Variants in PDE4D observed in about 807,000 individuals in gnomAD.
PDE4D encodes the protein 3',5'-cyclic-AMP phosphodiesterase 4D.
In PDE4D, 24 loss-of-function variants were observed where a neutral mutation model predicts 87.4. The ratio of observed to expected loss-of-function variants is 0.27; its 90% CI spans 0.20 to 0.39. The LOEUF (loss-of-function observed/expected upper bound fraction) is 0.39. PDE4D is among the 10% of genes least tolerant of loss of function. The pLI, the probability that PDE4D is intolerant of heterozygous loss-of-function variation, is 1.00. For synonymous variants in PDE4D, 384 were observed against 383.2 expected (o/e 1.00, Z -0.02); for missense variants, 714 against 1,041.0 (o/e 0.69, Z 4.32).
intron 1 of PDE4D, among the ~76,000 whole-genome samples, chr5:59,584,828 T>C (rs1824823546): frequency 6.6e-6 from 1 of 152,098 alleles, no homozygotes; most frequent in African/African-American, 2.4e-5. Flanking sequence ...TTAAGAGGTA[T>C]AAAATGAACT....
At chr5:60,019,957 A>G (rs1765881337) in intron 2 of PDE4D, among the ~76,000 whole-genome samples, 2 of 152,028 alleles carry the variant, frequency 1.3e-5, no homozygotes, top group South Asian at 4.1e-4. Flanking sequence ...CTTCCAGCCT[A>G]TTTCAGCTTT....
chr5:59,151,535 T>C (rs1477457985), intron 5 of PDE4D, among the ~76,000 whole-genome samples: 2 of 152,146 alleles, frequency 1.3e-5, no homozygotes, highest in Non-Finnish European at 2.9e-5. Context: ...AAAAACTATA[T>C]GAACATCAAC....
rs144243670 is a variant in PDE4D at position 59,350,080 on chromosome 5, C to G, written c.456-134112G>C. Among the ~76,000 whole-genome samples the G allele has an allele frequency of 4.6e-3, 702 of 152,218 alleles. 5 individuals are homozygous for G. Among genetic ancestry groups the G allele is most frequent in the African/African-American group, 0.016 (682 of 41,546 alleles). On this transcript the variant is annotated intron_variant, in intron 1 of 14. Transcript: ENST00000340635. Reference sequence around the variant, plus strand: ...TTGTTTACAAAGTGGTACTTCCTTACAAAAACCCTATTGTAGCTGTTGTAG... The same window carrying G: ...TTGTTTACAAAGTGGTACTTCCTTAGAAAAACCCTATTGTAGCTGTTGTAG...
At chr5:59,357,823 G>A (rs575320401) in intron 1 of PDE4D, among the ~76,000 whole-genome samples, 1 of 152,164 alleles carries the variant, frequency 6.6e-6, no homozygotes, top group Non-Finnish European at 1.5e-5. Context: ...CCACTGAGTG[G>A]TATTCAATGT....
intron 1 of PDE4D, among the ~76,000 whole-genome samples, chr5:59,541,010 G>A (rs1334988087): frequency 6.6e-6 from 1 of 152,064 alleles, no homozygotes; most frequent in Non-Finnish European, 1.5e-5. Flanking sequence ...CATCAGTTCT[G>A]GCATAAGCTG....
At chr5:60,446,830 A>C (rs949826911) in intron 1 of PDE4D, among the ~76,000 whole-genome samples, 18 of 152,068 alleles carry the variant, frequency 1.2e-4, no homozygotes, top group Admixed American at 3.9e-4. Context: ...CTTCAACCTA[A>C]TTCTGCGCCT....
intron 1 of PDE4D, among the ~76,000 whole-genome samples, chr5:59,320,382 A>G (rs1774500221): frequency 6.6e-6 from 1 of 152,134 alleles, no homozygotes; most frequent in Non-Finnish European, 1.5e-5. Context: ...GTTAAGATAT[A>G]TAATAACTAT....
intron 1 of PDE4D, among the ~76,000 whole-genome samples, chr5:60,355,170 A>G (rs1164403475): frequency 2.0e-5 from 3 of 152,094 alleles, no homozygotes. Flanking sequence ...AAAATCCTGT[A>G]AAAAGTAAAA....
intron 3 of PDE4D, among the ~76,000 whole-genome samples, chr5:59,918,040 C>G (rs1041804457): frequency 6.6e-6 from 1 of 151,428 alleles, no homozygotes; most frequent in Non-Finnish European, 1.5e-5. Flanking sequence ...TATACACAAT[C>G]AATTACACAA....
intron 1 of PDE4D, among the ~76,000 whole-genome samples, chr5:60,235,082 A>G (rs1746270185): frequency 6.6e-6 from 1 of 151,916 alleles, no homozygotes; most frequent in African/African-American, 2.4e-5. Flanking sequence ...ATTAAAATAT[A>G]ACAGCTAAAT....
chr5:59,545,380 T>C (rs769807655), intron 1 of PDE4D, among the ~76,000 whole-genome samples: 1 of 152,094 alleles, frequency 6.6e-6, no homozygotes, highest in African/African-American at 2.4e-5. Context: ...TTATCAGTGA[T>C]GTTTGGCAAA....
At chr5:60,362,382 T>A (rs1240476002) in intron 1 of PDE4D, among the ~76,000 whole-genome samples, 1 of 152,218 alleles carries the variant, frequency 6.6e-6, no homozygotes, top group Non-Finnish European at 1.5e-5. Context: ...AAGGATTTCA[T>A]ATTTTTCCAT....
chr5:59,242,946 G>A (rs1056812536), intron 1 of PDE4D, among the ~76,000 whole-genome samples: 12 of 152,162 alleles, frequency 7.9e-5, no homozygotes, highest in Non-Finnish European at 1.6e-4. Context: ...TTAGCTCTCA[G>A]TGTTATCTAA....
At chr5:59,702,418 G>T (rs539699544) in intron 1 of PDE4D, among the ~76,000 whole-genome samples, 1 of 152,042 alleles carries the variant, frequency 6.6e-6, no homozygotes, top group Admixed American at 6.6e-5. Flanking sequence ...GAGCCACTGC[G>T]CCTGGCCAAT....
rs997524737 is a variant in PDE4D at position 59,988,805 on chromosome 5, G to C, written c.43-88C>G. On this transcript the variant is annotated intron_variant, in intron 2 of 16. Coordinates refer to the PDE4D transcript ENST00000502484. The stretch of plus-strand genomic sequence containing the variant: ...AATGGCTTAATACTTTCCTGGGAAA[G>C]AAATTAAGTAAAATGTATACATGAA... 9.0e-6 allele frequency: 6 copies of C among 663,874 alleles called. No individual in the cohort carries two copies. The East Asian group carries it at 1.6e-4, about 18-fold the overall frequency. 41.1% of individuals were successfully genotyped at this position (663,874 alleles called of 1,614,324 possible).
At chr5:60,384,071 G>A (rs963940986) in intron 1 of PDE4D, among the ~76,000 whole-genome samples, 3 of 152,104 alleles carry the variant, frequency 2.0e-5, no homozygotes, top group African/African-American at 7.2e-5. Context: ...CATCAGCTAT[G>A]GTATTAAATC....
intron 1 of PDE4D, among the ~76,000 whole-genome samples, chr5:59,625,798 T>C (rs749939865): frequency 6.6e-5 from 10 of 152,184 alleles, no homozygotes; most frequent in Admixed American, 6.6e-5. Flanking sequence ...TACAAACCAA[T>C]GACTGGGCGC....
At chr5:60,243,438 G>A (rs1365538555) in intron 1 of PDE4D, among the ~76,000 whole-genome samples, 1 of 151,826 alleles carries the variant, frequency 6.6e-6, no homozygotes, top group Admixed American at 6.6e-5. Context: ...AAATAGAGGA[G>A]GAAATACTTC....
intron 3 of PDE4D, among the ~76,000 whole-genome samples, chr5:59,935,739 T>C (rs1756491297): frequency 6.6e-6 from 1 of 152,192 alleles, no homozygotes; most frequent in African/African-American, 2.4e-5. Context: ...TTTAGGAGCT[T>C]GTTAGAAATG....
Sources: gnomAD v4.1 joint callset for allele counts (sites outside exome capture counted in the v4.1 genomes callset) on GRCh38, gnomAD v4.1.1 for gene constraint, MANE v1.5 for transcripts, NCBI Gene and HGNC (gene_info 2026-07-23, HGNC 2026-07-21) for gene names.